ASCC3: variants seen among roughly 807,000 people sequenced by gnomAD.
The protein encoded by ASCC3 is activating signal cointegrator 1 complex subunit 3.
In ASCC3, 158 loss-of-function variants were observed where a neutral mutation model predicts 256.3. That is an observed-to-expected ratio of 0.62 (90% confidence interval 0.54 to 0.70). ASCC3 has a LOEUF of 0.70. Among genes scored for constraint, ASCC3 ranks in the 30% least tolerant of loss-of-function variants. The probability of loss-of-function intolerance (pLI) is 0.00; values close to 1 mark genes in which losing one functional copy is unlikely to be tolerated. For missense variants in ASCC3, 2,259 were observed against 2,626.0 expected (o/e 0.86, Z 3.05); for synonymous variants, 948 against 883.4 (o/e 1.07, Z -1.30).
intron 3 of ASCC3, among the ~76,000 whole-genome samples, chr6:100,859,544 T>C (rs995662486): frequency 6.6e-6 from 1 of 152,082 alleles, no homozygotes; most frequent in Admixed American, 6.6e-5. Context: ...TATCTTTTTA[T>C]ACTTCCTATT....
rs1281246835 is a variant in ASCC3, at chr6:100,651,619, T to C, written c.3016A>G (p.Lys1006Glu). ...ETFNELFDAH[K>E]TEGDIFAIVS... The stretch of plus-strand genomic sequence containing the variant: ...ATGGCAAAGATATCACCTTCTGTTT[T>C]GTGAGCATCAAAGAGTTCATTAAAG... The change falls in exon 19 of 42, where the codon AAA becomes GAA. Residue 1006 changes from lysine (K) to glutamate (E), a missense_variant. Transcript: ENST00000369162. 1 of 1,588,484 alleles carries C rather than the reference T, an allele frequency of 6.3e-7. No individual in the cohort carries two copies.
At chr6:100,588,782 T>C (rs1771837653) in intron 36 of ASCC3, among the ~76,000 whole-genome samples, 1 of 152,040 alleles carries the variant, frequency 6.6e-6, no homozygotes. Flanking sequence ...TGAAGCTTAT[T>C]GAGAATTATA....
At chr6:100,810,588 T>C (rs1770415008) in intron 4 of ASCC3, among the ~76,000 whole-genome samples, 1 of 152,212 alleles carries the variant, frequency 6.6e-6, no homozygotes, top group South Asian at 2.1e-4. Flanking sequence ...TTTTGTTTAC[T>C]AGATTAAACT....
chr6:100,792,525 C>A (rs954265903), intron 8 of ASCC3, among the ~76,000 whole-genome samples: 3 of 151,842 alleles, frequency 2.0e-5, no homozygotes, highest in African/African-American at 7.2e-5. Flanking sequence ...GTCTATCTGG[C>A]AAAGCTCTAG....
At chr6:100,855,681 A>G (rs1371667782) in intron 3 of ASCC3, among the ~76,000 whole-genome samples, 3 of 152,148 alleles carry the variant, frequency 2.0e-5, no homozygotes, top group South Asian at 2.1e-4. Flanking sequence ...CCAGTACATC[A>G]CTGGACACAT....
At chr6:100,570,585 C>A (rs1042495019) in intron 36 of ASCC3, among the ~76,000 whole-genome samples, 9 of 152,008 alleles carry the variant, frequency 5.9e-5, no homozygotes, top group African/African-American at 1.9e-4. Flanking sequence ...CCTTCCCCTC[C>A]TTCTCTCCCC....
chr6:100,568,456 A>G (rs1770386827), intron 36 of ASCC3, among the ~76,000 whole-genome samples: 1 of 150,428 alleles, frequency 6.6e-6, no homozygotes. Flanking sequence ...AGCGATGTGG[A>G]GCATTTTTTC....
intron 37 of ASCC3, among the ~76,000 whole-genome samples, chr6:100,538,063 G>A (rs921855977): frequency 6.6e-6 from 1 of 151,908 alleles, no homozygotes; most frequent in Non-Finnish European, 1.5e-5. Context: ...TGCTAAAAAT[G>A]AATCAATGAA....
intron 1 of ASCC3, among the ~76,000 whole-genome samples, chr6:100,878,286 CT>C (rs1769089041): frequency 6.6e-6 from 1 of 152,180 alleles, no homozygotes; most frequent in South Asian, 2.1e-4. Context: ...CTATGGGGCT[CT>C]TATTCTCTAA....
intron 40 of ASCC3, 73 bp from the exon 41 acceptor site, chr6:100,510,180 T>A: frequency 6.7e-7 from 1 of 1,495,894 alleles, no homozygotes; most frequent in Non-Finnish European, 9.3e-7. Flanking sequence ...TGGTTAAGGC[T>A]ACGTTGTCTT....
At chr6:100,703,147 G>T (rs1328058092) in intron 13 of ASCC3, among the ~76,000 whole-genome samples, 1 of 151,920 alleles carries the variant, frequency 6.6e-6, no homozygotes, top group African/African-American at 2.4e-5. Flanking sequence ...TAAATGAACT[G>T]TTCAAGAGCA....
intron 11 of ASCC3, among the ~76,000 whole-genome samples, chr6:100,723,051 C>T (rs188453944): frequency 2.0e-5 from 3 of 151,596 alleles, no homozygotes; most frequent in South Asian, 2.1e-4. Context: ...GAAAACACAG[C>T]GTTGATTTTG....
intron 37 of ASCC3, among the ~76,000 whole-genome samples, chr6:100,521,909 A>G (rs927076439): frequency 6.6e-6 from 1 of 152,142 alleles, no homozygotes; most frequent in Non-Finnish European, 1.5e-5. Flanking sequence ...GCAGATAAGG[A>G]CTAATAGGTA....
At chr6:100,861,175 G>A (rs1773207920) in intron 3 of ASCC3, among the ~76,000 whole-genome samples, 3 of 151,986 alleles carry the variant, frequency 2.0e-5, no homozygotes, top group South Asian at 4.1e-4. Flanking sequence ...TAAAAATCTA[G>A]GATTTCTACC....
intron 10 of ASCC3, among the ~76,000 whole-genome samples, chr6:100,763,603 G>C (rs759761457): frequency 1.1e-4 from 17 of 152,254 alleles, no homozygotes; most frequent in Non-Finnish European, 1.9e-4. Context: ...GCAAAGGGTA[G>C]ACAACAAGGG....
chr6:100,629,230 G>T, intron 26 of ASCC3, 49 bp from the exon 27 acceptor site: 1 of 1,568,010 alleles, frequency 6.4e-7, no homozygotes, highest in Non-Finnish European at 8.8e-7. Flanking sequence ...GGTAACAAAT[G>T]ACCTTGGAAA....
intron 10 of ASCC3, among the ~76,000 whole-genome samples, chr6:100,756,580 T>G (rs937130757): frequency 1.3e-5 from 2 of 152,060 alleles, no homozygotes; most frequent in African/African-American, 4.8e-5. Flanking sequence ...TATAAAAAGA[T>G]GAGAAAATAT....
chr6:100,572,755 A>G (rs1582471340), intron 36 of ASCC3, among the ~76,000 whole-genome samples: 1 of 152,186 alleles, frequency 6.6e-6, no homozygotes, highest in African/African-American at 2.4e-5. Context: ...GTTGTTGTTT[A>G]AAGTACATAG....
intron 10 of ASCC3, among the ~76,000 whole-genome samples, chr6:100,744,408 A>T (rs1326195108): frequency 6.6e-6 from 1 of 152,190 alleles, no homozygotes; most frequent in Non-Finnish European, 1.5e-5. Context: ...TATGTAATAT[A>T]AAGAGACAAG....
Sources: gnomAD v4.1 joint callset for allele counts (sites outside exome capture counted in the v4.1 genomes callset) on GRCh38, gnomAD v4.1.1 for gene constraint, MANE v1.5 for transcripts, NCBI Gene and HGNC (gene_info 2026-07-23, HGNC 2026-07-21) for gene names.